EDEM3: variants seen among roughly 807,000 people sequenced by gnomAD.
EDEM3 encodes ER degradation enhancing alpha-mannosidase like protein 3.
Under a neutral mutation model 110.2 loss-of-function variants are expected in EDEM3, and 60 were observed. The observed-to-expected ratio is 0.54, with a 90% CI of 0.44 to 0.67. EDEM3 has a LOEUF of 0.67. EDEM3 is among the 30% of genes least tolerant of loss of function. The pLI is 0.00. For synonymous variants in EDEM3, 352 were observed against 382.9 expected (o/e 0.92, Z 0.94); for missense variants, 996 against 1,121.0 (o/e 0.89, Z 1.59).
intron 2 of EDEM3, among the ~76,000 whole-genome samples, chr1:184,740,815 G>T (rs1452268664): frequency 6.6e-6 from 1 of 152,126 alleles, no homozygotes; most frequent in Admixed American, 6.6e-5. Flanking sequence ...ACTTAATAAA[G>T]GCCAAGTTAT....
In EDEM3 at chr1:184,739,177, A is replaced by T. The variant is rs1651994848; in HGVS notation, c.205-1466T>A. 2.0e-5 allele frequency among the ~76,000 whole-genome samples: 3 copies of T among 151,100 alleles called. No individual in the cohort carries two copies. The South Asian group carries it at 6.2e-4, about 31-fold the overall frequency. ...TCTGTAGTATTTATTCATTCTACAGATCTATTTGCCTATTCCTACTCCAAA... is the reference window on the plus strand; with the variant it reads ...TCTGTAGTATTTATTCATTCTACAGTTCTATTTGCCTATTCCTACTCCAAA... On this transcript the variant is annotated intron_variant, in intron 2 of 19. Transcript: ENST00000318130.
rs534050827 is a variant in EDEM3, at chr1:184,690,795, C to T, written c.*3268G>A. On this transcript the variant is annotated 3_prime_UTR_variant, in exon 20 of 20. Coordinates refer to ENST00000318130, the MANE Select transcript of EDEM3 (RefSeq NM_025191.4). ...ATCTGAACATACAATATTTCATTCA[C>T]AGAATGTTTTTTTTTTCTATGTTCT... 1 of 151,866 alleles carries T rather than the reference C, an allele frequency of 6.6e-6. No individual in the cohort carries two copies. The highest frequency in any genetic ancestry group is 2.1e-4 in the South Asian group (1 of 4,814). The allele number at this position is 151,866 out of a possible 1,614,324, so 9.4% of individuals were successfully genotyped here. A position where few individuals can be genotyped will look rare whatever the true frequency, so the allele number is the denominator to read the frequency against.
intron 8 of EDEM3, among the ~76,000 whole-genome samples, 162 bp downstream of exon 8, chr1:184,723,589 C>A (rs1651019561): frequency 6.6e-6 from 1 of 151,812 alleles, no homozygotes; most frequent in Non-Finnish European, 1.5e-5. Context: ...TCACATTTGG[C>A]ATCAAAAAAG....
In EDEM3 at chr1:184,737,063, AT is replaced by A. The variant is rs1651866740; in HGVS notation, c.306del (p.Lys102AsnfsTer4). The A allele has an allele frequency of 1.3e-6, 2 of 1,577,916 alleles. No homozygotes were observed. Among genetic ancestry groups the A allele is most frequent in the African/African-American group, 3.5e-5 (2 of 57,852 alleles). ...SRGDVDDALG[K>X]FSLTLIDSLD... Reference sequence around the variant, plus strand: ...AAAGAATCAATCAGTGTCAGAGAAAATCTAAGAAACAAGCGTTAACAAGATA... The same window carrying A: ...AAAGAATCAATCAGTGTCAGAGAAAACTAAGAAACAAGCGTTAACAAGATA... On this transcript the variant is annotated frameshift_variant and splice_region_variant, in exon 4 of 20. Transcript: ENST00000318130. LOFTEE classifies it high-confidence loss of function.
chr1:184,705,120 T>A (rs1329441780), intron 18 of EDEM3, among the ~76,000 whole-genome samples: 2 of 151,996 alleles, frequency 1.3e-5, no homozygotes, highest in Non-Finnish European at 2.9e-5. Flanking sequence ...TAGAAGATCA[T>A]GAGAATTAGA....
intron 12 of EDEM3, 77 bp downstream of exon 12, chr1:184,717,460 CAAT>C: frequency 8.5e-7 from 1 of 1,179,406 alleles, no homozygotes; most frequent in Non-Finnish European, 1.2e-6. Flanking sequence ...TCTGAAAACC[CAAT>C]TACTATTATG....
chr1:184,706,083 C>A (rs1237611142), intron 18 of EDEM3, among the ~76,000 whole-genome samples: 1 of 152,012 alleles, frequency 6.6e-6, no homozygotes, highest in Non-Finnish European at 1.5e-5. Context: ...CTTACAATCA[C>A]CTAAAATATA....
chr1:184,706,921 A>G, intron 17 of EDEM3, 113 bp from the exon 18 acceptor site: 3 of 1,081,988 alleles, frequency 2.8e-6, no homozygotes, highest in Non-Finnish European at 3.9e-6. Context: ...TTTTCTAATG[A>G]TAACGTATCT....
chr1:184,737,613 T>A lies in EDEM3; in HGVS notation c.303A>T (p.Gly101=). The A allele has an allele frequency of 6.2e-7, 1 of 1,613,904 alleles. No homozygotes were observed. Among genetic ancestry groups the A allele is most frequent in the Non-Finnish European group, 8.5e-7 (1 of 1,179,806 alleles). Residue 101 remains glycine (G), a splice_region_variant and synonymous_variant, in exon 3 of 20, where the codon GGA becomes GGT. Transcript: ENST00000318130. ...CCATGCCCTGTGTTAATACTCACTT[T>A]CCCAAGGCATCATCAACGTCACCGC... ...PSRGDVDDAL[G]KFSLTLIDSL... is the part of the protein sequence containing the mutation.
chr1:184,708,917 AC>A (rs1650080015), intron 16 of EDEM3, among the ~76,000 whole-genome samples: 1 of 152,198 alleles, frequency 6.6e-6, no homozygotes, highest in South Asian at 2.1e-4. Context: ...GCTTGTGTGT[AC>A]CTGGGAAAGA....
chr1:184,717,197 C>T (rs1272245000), intron 12 of EDEM3, among the ~76,000 whole-genome samples, 185 bp from the exon 13 acceptor site: 1 of 151,922 alleles, frequency 6.6e-6, no homozygotes, highest in Non-Finnish European at 1.5e-5. Context: ...TTCTTAAATA[C>T]ACAATTATAA....
At chr1:184,743,220 T>C (rs1553275091) in intron 2 of EDEM3, among the ~76,000 whole-genome samples, 1 of 152,114 alleles carries the variant, frequency 6.6e-6, no homozygotes, top group Non-Finnish European at 1.5e-5. Context: ...CAAAGCAAAC[T>C]ACAGACAGTT....
At chr1:184,752,945 T>C (rs1441132350) in intron 1 of EDEM3, among the ~76,000 whole-genome samples, 1 of 152,244 alleles carries the variant, frequency 6.6e-6, no homozygotes, top group African/African-American at 2.4e-5. Context: ...AGTGAGATAT[T>C]TGGTAAAACT....
At chr1:184,737,579 G>GATGCC (rs1384825538) in intron 3 of EDEM3, 32 bp downstream of exon 3, 12 of 1,599,178 alleles carry the variant, frequency 7.5e-6, no homozygotes, top group Non-Finnish European at 1.0e-5. Context: ...GGAACTCTGA[G>GATGCC]ATGCCATGCC....
intron 5 of EDEM3, among the ~76,000 whole-genome samples, chr1:184,734,117 G>GT: frequency 6.6e-6 from 1 of 152,142 alleles, no homozygotes; most frequent in East Asian, 1.9e-4. Context: ...TTAAACACAG[G>GT]AAACTTCTTG....
rs944146012 is a variant in EDEM3, at chr1:184,691,162, C to T, written c.*2901G>A. On this transcript the variant is annotated 3_prime_UTR_variant, in exon 20 of 20. Coordinates refer to ENST00000318130, the MANE Select transcript of EDEM3 (RefSeq NM_025191.4). ...TTATACTCTTTTTGGAAGCCTATTGCAATTTAAGAAGAAAAAAGAAAACTT... is the reference window on the plus strand; with the variant it reads ...TTATACTCTTTTTGGAAGCCTATTGTAATTTAAGAAGAAAAAAGAAAACTT... 2.0e-5 allele frequency: 3 copies of T among 152,238 alleles called. No individual in the cohort carries two copies. The highest frequency in any genetic ancestry group is 6.6e-5 in the Admixed American group (1 of 15,240). The allele number at this position is 152,238 out of a possible 1,614,324, so 9.4% of individuals were successfully genotyped here.
At chr1:184,751,839 C>G (rs1347473848) in intron 1 of EDEM3, among the ~76,000 whole-genome samples, 1 of 152,156 alleles carries the variant, frequency 6.6e-6, no homozygotes, top group Non-Finnish European at 1.5e-5. Context: ...CTGCAACCTT[C>G]GCCTCCAGGT....
intron 6 of EDEM3, among the ~76,000 whole-genome samples, chr1:184,729,875 A>T (rs1651405144): frequency 6.6e-6 from 1 of 152,206 alleles, no homozygotes; most frequent in Non-Finnish European, 1.5e-5. Context: ...GAAATGCTAG[A>T]TTCCTCAAAA....
At position 184,723,865 on chromosome 1, in the gene EDEM3, T is replaced by TAAAAAAA. The variant is rs71101940; in HGVS notation, c.748-16_748-10dup. The TAAAAAAA allele has an allele frequency of 2.2e-5, 24 of 1,091,036 alleles. No individual in the cohort carries two copies. Among genetic ancestry groups the TAAAAAAA allele is most frequent in the South Asian group, 3.8e-5 (2 of 52,064 alleles). 67.6% of individuals were successfully genotyped at this position (1,091,036 alleles called of 1,614,324 possible). A position where few individuals can be genotyped will look rare whatever the true frequency, so the allele number is the denominator to read the frequency against. On this transcript the variant is annotated splice_polypyrimidine_tract_variant and intron_variant, in intron 7 of 19. Coordinates refer to ENST00000318130, the MANE Select transcript of EDEM3 (RefSeq NM_025191.4). ...GCTTTTCTGGCATATTCCTGTAATT[T>TAAAAAAA]AAAAAAAAAAAAAAAAAAAAGAAGT...
Sources: gnomAD v4.1 joint callset for allele counts (sites outside exome capture counted in the v4.1 genomes callset) on GRCh38, gnomAD v4.1.1 for gene constraint, MANE v1.5 for transcripts, NCBI Gene and HGNC (gene_info 2026-07-23, HGNC 2026-07-21) for gene names.